Variants in SMYD1 observed in about 807,000 individuals in gnomAD.
The protein encoded by SMYD1 is SET and MYND domain containing 1.
In SMYD1, 49 loss-of-function variants were observed where a neutral mutation model predicts 54.0. That is an observed-to-expected ratio of 0.91 (90% CI 0.72 to 1.15). The LOEUF (loss-of-function observed/expected upper bound fraction) is 1.15, where lower values mean the gene tolerates loss of function less well. Ranked by LOEUF, SMYD1 falls within the 50% of genes most tolerant of loss-of-function variation. The pLI, the probability that SMYD1 is intolerant of heterozygous loss-of-function variation, is 0.00. For synonymous variants in SMYD1, 269 were observed against 234.2 expected, an observed-to-expected ratio of 1.15 and a Z score of -1.36; for missense variants, 653 against 639.6, an observed-to-expected ratio of 1.02 and a Z score of -0.23.
Position 88,108,433 on chromosome 2 carries a change from A to T in SMYD1, c.1208A>T (p.Asn403Ile). The T allele has an allele frequency of 6.2e-7, 1 of 1,613,168 alleles. No homozygotes were observed. Among genetic ancestry groups the T allele is most frequent in the Non-Finnish European group, 8.5e-7 (1 of 1,179,610 alleles). ...GMAVMRAGLT[N>I]WHAGNIEVGH... ...GCCGTGATGCGGGCAGGGCTGACCA[A>T]CTGGCATGCTGGTAACATTGAGGTG... Residue 403 changes from asparagine to isoleucine, a missense_variant, in exon 9 of 10, where the codon AAC becomes ATC. Asn to Ile is a moderately radical substitution (Grantham distance 149). Transcript: ENST00000419482.
At chr2:88,074,504 G>T (rs1416995261) in intron 1 of SMYD1, among the ~76,000 whole-genome samples, 1 of 152,188 alleles carries the variant, frequency 6.6e-6, no homozygotes, top group African/African-American at 2.4e-5. Context: ...CCTCTGCCAT[G>T]TAATGTAATC....
At chr2:88,102,973 T>G (rs1251579705) in intron 6 of SMYD1, 85 bp from the exon 7 acceptor site, 2 of 1,027,826 alleles carry the variant, frequency 1.9e-6, no homozygotes, top group East Asian at 2.4e-5. Context: ...TGTGCTACAT[T>G]GAATGTCAAA....
intron 1 of SMYD1, 100 bp from the exon 2 acceptor site, chr2:88,084,216 C>A: frequency 1.0e-6 from 1 of 994,358 alleles, no homozygotes; most frequent in Non-Finnish European, 1.4e-6. Context: ...TAAATAAGGA[C>A]CAGCCAGCTG....
chr2:88,080,653 G>A (rs986016410), intron 1 of SMYD1, among the ~76,000 whole-genome samples: 2 of 152,078 alleles, frequency 1.3e-5, no homozygotes, highest in Admixed American at 1.3e-4. Flanking sequence ...TTCCTGGTCT[G>A]AGCCCTGATG....
At position 88,087,333 on chromosome 2, in the gene SMYD1, C is replaced by T. The variant is rs559784372; in HGVS notation, c.315-529C>T. On this transcript the variant is annotated intron_variant, in intron 2 of 9. Coordinates refer to ENST00000419482, the MANE Select transcript of SMYD1 (RefSeq NM_198274.4). ...CACACTGTTGAGAGACCCAGGCTGC[C>T]GCACCTCTCTGTTTCCCCAGACCCC... Among the ~76,000 whole-genome samples the T allele has an allele frequency of 5.9e-5, 9 of 152,190 alleles. No individual in the cohort carries two copies. In the East Asian group the frequency reaches 1.2e-3, roughly 20 times the overall value.
rs753062230 is a variant in SMYD1, at chr2:88,091,082, A to G, written c.599A>G (p.Asn200Ser). 6 of 1,614,174 alleles carry G rather than the reference A, an allele frequency of 3.7e-6. No individual in the cohort carries two copies. Among genetic ancestry groups the G allele is most frequent in the South Asian group, 2.2e-5 (2 of 91,070 alleles). The change falls in exon 4 of 10, where the codon AAC becomes AGC. Residue 200 changes from asparagine to serine, a missense_variant. Transcript: ENST00000419482. ...GCCGTGGGCGTAGGCATCTTCCCCA[A>G]CCTGGGCCTGGTGAACCATGACTGT... ...LQAVGVGIFP[N>S]LGLVNHDCWP...
intron 2 of SMYD1, among the ~76,000 whole-genome samples, chr2:88,085,400 G>T (rs1433290589): frequency 1.3e-5 from 2 of 152,172 alleles, no homozygotes; most frequent in South Asian, 2.1e-4. Context: ...CTCAGTGCTG[G>T]GCTGCAGGGA....
In SMYD1 at chr2:88,088,843, G is replaced by A. The variant is rs975219133; in HGVS notation, c.528+768G>A. On this transcript the variant is annotated intron_variant, in intron 3 of 9. Coordinates refer to ENST00000419482, the MANE Select transcript of SMYD1 (RefSeq NM_198274.4). ...TGGGGTGGGAGCAACCAAGCCAGAC[G>A]AGGCCATAAGAGTCCGGGAAGTGGG... is the stretch of plus-strand genomic sequence containing the variant. Among the ~76,000 whole-genome samples the A allele has an allele frequency of 7.0e-4, 107 of 152,246 alleles. 1 individual carries two copies. Among genetic ancestry groups the A allele is most frequent in the African/African-American group, 2.5e-3 (102 of 41,540 alleles).
At chr2:88,095,120 C>T (rs1674551103) in intron 5 of SMYD1, among the ~76,000 whole-genome samples, 1 of 152,144 alleles carries the variant, frequency 6.6e-6, no homozygotes, top group Admixed American at 6.5e-5. Context: ...CCTCTTGTGT[C>T]ACTATCCTCA....
rs747386324 is a variant in SMYD1 at position 88,067,963 on chromosome 2, C to G, written c.99C>G (p.Ile33Met). 11 of 1,613,854 alleles carry G rather than the reference C, an allele frequency of 6.8e-6. No individual in the cohort carries two copies. Among genetic ancestry groups the G allele is most frequent in the Non-Finnish European group, 9.3e-6 (11 of 1,180,028 alleles). ...ATKEFWAADI[I>M]FAERAYSAVV... ...AGGAGTTCTGGGCTGCAGATATCAT[C>G]TTTGCTGAGCGGGCTTATTCCGCAG... The change falls in exon 1 of 10, where the codon ATC becomes ATG. Residue 33 changes from isoleucine (I) to methionine (M), a missense_variant. Transcript: ENST00000419482.
chr2:88,094,384 T>C (rs1022493861), intron 5 of SMYD1, among the ~76,000 whole-genome samples: 1 of 152,180 alleles, frequency 6.6e-6, no homozygotes, highest in Admixed American at 6.5e-5. Flanking sequence ...TTAAATAGGC[T>C]GCCTACTTGT....
In SMYD1 at chr2:88,112,248, T is replaced by C; in HGVS notation, c.*1736T>C. The C allele has an allele frequency of 1.5e-6, 1 of 678,984 alleles. No individual in the cohort carries two copies. The highest frequency in any genetic ancestry group is 2.1e-5 in the Admixed American group (1 of 47,718). 42.1% of individuals were successfully genotyped at this position (678,984 alleles called of 1,614,324 possible). On this transcript the variant is annotated 3_prime_UTR_variant, in exon 10 of 10. Coordinates refer to ENST00000419482, the MANE Select transcript of SMYD1 (RefSeq NM_198274.4). The stretch of plus-strand genomic sequence containing the variant: ...ATGTCTCCCCCAAACCTTTTTCCCT[T>C]CTTTGTCATTGTTATCTGCTAAGCC...
At position 88,071,802 on chromosome 2, in the gene SMYD1, G is replaced by A. The variant is rs894586003; in HGVS notation, c.137+3801G>A. Among the ~76,000 whole-genome samples, 5 of 152,204 alleles carry A rather than the reference G, an allele frequency of 3.3e-5. No individual in the cohort carries two copies. The East Asian group carries it at 9.7e-4, about 29-fold the overall frequency. On this transcript the variant is annotated intron_variant, in intron 1 of 9. Transcript: ENST00000419482. ...GGGGGTGATGCACGAGTGGGTAAAA[G>A]TTGCTCTCTGCCCCTTTAACTCTCC... is the stretch of plus-strand genomic sequence containing the variant.
At chr2:88,095,826 C>T (rs762160748) in intron 5 of SMYD1, among the ~76,000 whole-genome samples, 5 of 152,180 alleles carry the variant, frequency 3.3e-5, no homozygotes, top group Non-Finnish European at 7.3e-5. Flanking sequence ...GTCAGTTCTG[C>T]AGTGGGTTTT....
intron 8 of SMYD1, among the ~76,000 whole-genome samples, chr2:88,108,012 A>G (rs1296183520): frequency 6.6e-6 from 1 of 152,188 alleles, no homozygotes; most frequent in African/African-American, 2.4e-5. Context: ...AAAATGCAGA[A>G]ATCATTCGTC....
At chr2:88,097,943 G>A (rs1674631597) in intron 6 of SMYD1, among the ~76,000 whole-genome samples, 1 of 152,120 alleles carries the variant, frequency 6.6e-6, no homozygotes, top group African/African-American at 2.4e-5. Flanking sequence ...AAAGCAGTTG[G>A]GGTCCAAGGA....
At chr2:88,100,666 A>C (rs906803908) in intron 6 of SMYD1, among the ~76,000 whole-genome samples, 1 of 152,156 alleles carries the variant, frequency 6.6e-6, no homozygotes, top group Non-Finnish European at 1.5e-5. Flanking sequence ...GCAGTCACAC[A>C]CTGAAATGAC....
intron 1 of SMYD1, among the ~76,000 whole-genome samples, chr2:88,076,425 G>C (rs899109489): frequency 2.0e-5 from 3 of 152,060 alleles, no homozygotes; most frequent in Admixed American, 6.6e-5. Context: ...GGGTTTCGCC[G>C]TGTTGGCCAG....
chr2:88,110,200 AGTGTGTGTGT>A (rs3222709), intron 9 of SMYD1, among the ~76,000 whole-genome samples, 144 bp from the exon 10 acceptor site: 7 of 138,988 alleles, frequency 5.0e-5, no homozygotes, highest in African/African-American at 2.8e-5. Context: ...TTGATGAATG[AGTGTGTGTGT>A]GTGTGTGTGT....
Sources: allele counts gnomAD v4.1 joint callset (sites outside exome capture counted in the v4.1 genomes callset), GRCh38; gene constraint gnomAD v4.1.1; transcripts MANE v1.5; gene names NCBI Gene and HGNC (gene_info 2026-07-23, HGNC 2026-07-21).